ROS1: variants seen among roughly 807,000 people sequenced by gnomAD.
The protein encoded by ROS1 is proto-oncogene tyrosine-protein kinase ROS.
Under a neutral mutation model 273.5 loss-of-function variants are expected in ROS1, and 263 were observed. The observed-to-expected ratio is 0.96, with a 90% confidence interval of 0.87 to 1.06. The LOEUF is 1.06. Among genes scored for constraint, ROS1 ranks in the 50% least tolerant of loss-of-function variants. The probability of loss-of-function intolerance (pLI) is 0.00; values close to 1 mark genes in which losing one functional copy is unlikely to be tolerated. For missense variants in ROS1, 2,833 were observed against 2,751.1 expected (o/e 1.03, Z -0.67); for synonymous variants, 1,008 against 954.1 (o/e 1.06, Z -1.04).
chr6:117,329,268 T>C, intron 33 of ROS1, 61 bp downstream of exon 33: 1 of 790,128 alleles, frequency 1.3e-6, no homozygotes, highest in Non-Finnish European at 2.1e-6. Flanking sequence ...TTACTTTTGA[T>C]TACTTTATAA....
intron 16 of ROS1, among the ~76,000 whole-genome samples, chr6:117,385,299 A>C (rs1772472084): frequency 1.3e-5 from 2 of 152,222 alleles, no homozygotes; most frequent in Non-Finnish European, 2.9e-5. Context: ...TCACGCCTGT[A>C]ATCCCAGCAC....
At chr6:117,295,208 T>A (rs1202582660) in intron 43 of ROS1, among the ~76,000 whole-genome samples, 1 of 152,160 alleles carries the variant, frequency 6.6e-6, no homozygotes. Context: ...ATTCATGTTT[T>A]ACAAAGATGC....
chr6:117,384,147 T>A, intron 16 of ROS1, among the ~76,000 whole-genome samples: 1 of 152,316 alleles, frequency 6.6e-6, no homozygotes, highest in Middle Eastern at 3.4e-3. Flanking sequence ...TTCAAAACTA[T>A]TTTTAAACTA....
At chr6:117,390,844 G>T (rs1403511154) in intron 12 of ROS1, among the ~76,000 whole-genome samples, 4 of 152,040 alleles carry the variant, frequency 2.6e-5, no homozygotes, top group Non-Finnish European at 5.9e-5. Context: ...AACGAGGCAG[G>T]TTATTTTAAT....
At chr6:117,360,282 A>ACACC (rs2128649931) in intron 23 of ROS1, 60 bp downstream of exon 23, 2 of 1,170,986 alleles carry the variant, frequency 1.7e-6, no homozygotes, top group Non-Finnish European at 2.4e-6. Context: ...GGACACACAC[A>ACACC]CACACACACA....
At chr6:117,367,163 T>C (rs1780329358) in intron 18 of ROS1, among the ~76,000 whole-genome samples, 1 of 152,004 alleles carries the variant, frequency 6.6e-6, no homozygotes, top group Admixed American at 6.6e-5. Context: ...CCTATAGATG[T>C]GAAGTTAGCC....
intron 2 of ROS1, 37 bp downstream of exon 2, chr6:117,418,425 C>G (rs1364709001): frequency 1.0e-5 from 15 of 1,452,816 alleles, no homozygotes; most frequent in African/African-American, 1.4e-5. Flanking sequence ...TCAACACAAA[C>G]ATTGTAATAT....
At chr6:117,297,329 C>T (rs1774321332) in intron 43 of ROS1, among the ~76,000 whole-genome samples, 2 of 152,272 alleles carry the variant, frequency 1.3e-5, no homozygotes, top group African/African-American at 4.8e-5. Context: ...ATGACTTAGA[C>T]ACTGAAAGCA....
intron 15 of ROS1, among the ~76,000 whole-genome samples, chr6:117,386,650 C>T (rs975548784): frequency 2.0e-5 from 3 of 152,234 alleles, no homozygotes; most frequent in Non-Finnish European, 2.9e-5. Flanking sequence ...ATATCAAAGC[C>T]TTCCTGGTGG....
intron 37 of ROS1, 47 bp downstream of exon 37, chr6:117,319,821 T>C (rs1486419844): frequency 2.0e-6 from 3 of 1,531,096 alleles, no homozygotes; most frequent in Non-Finnish European, 2.7e-6. Flanking sequence ...TCAATCTTTG[T>C]AGATATGGTG....
intron 1 of ROS1, among the ~76,000 whole-genome samples, chr6:117,419,356 A>C (rs1221022841): frequency 1.3e-5 from 2 of 152,212 alleles, no homozygotes; most frequent in African/African-American, 4.8e-5. Flanking sequence ...CAATGGCTTA[A>C]TATTGTGTGG....
rs117780550 is a variant in ROS1, at chr6:117,314,012, T to C, written c.6118-2895A>G. Among the ~76,000 whole-genome samples, 231 of 152,216 alleles carry C rather than the reference T, an allele frequency of 1.5e-3. 3 individuals are homozygous for C. The East Asian group carries it at 0.041, about 27-fold the overall frequency. ...ATGTGAGAACCAATCTTTATAAGCATTAGGATCCTGGGTGACTCAAAACGA... is the reference window on the plus strand; with the variant it reads ...ATGTGAGAACCAATCTTTATAAGCACTAGGATCCTGGGTGACTCAAAACGA... On this transcript the variant is annotated intron_variant, in intron 39 of 43. Transcript: ENST00000368507.
rs2128644168 is a variant in ROS1 at position 117,356,812 on chromosome 6, G to A, written c.3943C>T (p.Gln1315Ter). The part of the protein sequence containing the change: ...HRILQPTATN[Q>*]QNKRNQCSCN... ...GAACATTGATTCCTTTTGTTTTGTTGGTTTGTAGCTGTGGGTTGCAGAATT... is the reference window on the plus strand; with the variant it reads ...GAACATTGATTCCTTTTGTTTTGTTAGTTTGTAGCTGTGGGTTGCAGAATT... Residue 1315 changes from glutamine to a stop codon, truncating the protein, a stop_gained, in exon 26 of 44, where the codon CAA (glutamine) becomes TAA (stop). Transcript: ENST00000368507. LOFTEE classifies it high-confidence loss of function. The A allele has an allele frequency of 6.2e-7, 1 of 1,614,076 alleles. No individual in the cohort carries two copies. Among genetic ancestry groups the A allele is most frequent in the Non-Finnish European group, 8.5e-7 (1 of 1,180,008 alleles).
intron 33 of ROS1, among the ~76,000 whole-genome samples, chr6:117,326,980 C>T (rs1003052057): frequency 8.5e-5 from 13 of 152,134 alleles, no homozygotes; most frequent in Non-Finnish European, 2.9e-5. Flanking sequence ...ATGGAAGGAG[C>T]ACAAGGGCTG....
At chr6:117,398,800 C>G (rs1327477686) in intron 7 of ROS1, among the ~76,000 whole-genome samples, 1 of 151,584 alleles carries the variant, frequency 6.6e-6, no homozygotes, top group Non-Finnish European at 1.5e-5. Context: ...TGGTGAAACC[C>G]CATCTCTACT....
At chr6:117,424,724 T>C (rs752593886) in intron 1 of ROS1, among the ~76,000 whole-genome samples, 1 of 152,158 alleles carries the variant, frequency 6.6e-6, no homozygotes, top group Non-Finnish European at 1.5e-5. Context: ...TTCTTTTTAA[T>C]CTGCCACATA....
intron 1 of ROS1, among the ~76,000 whole-genome samples, chr6:117,424,242 TA>T (rs1775973635): frequency 2.0e-5 from 3 of 151,996 alleles, no homozygotes; most frequent in South Asian, 2.1e-4. Context: ...TCTCAGGGTC[TA>T]GGGGAAAACT....
At chr6:117,321,456 A>T (rs2128563948) in intron 35 of ROS1, 62 bp from the exon 36 acceptor site, 1 of 1,444,016 alleles carries the variant, frequency 6.9e-7, no homozygotes, top group Non-Finnish European at 9.4e-7. Flanking sequence ...TCCTTTAGGA[A>T]ATGTTAACAG....
chr6:117,409,637 C>A lies in ROS1; in HGVS notation c.261G>T (p.Glu87Asp). ...NDTYATVCER[E>D]SCEVGCSSAE... The stretch of plus-strand genomic sequence containing the variant: ...CGCTGCTACAGCCAACCTCACACGA[C>A]TCCCGCTGTGGAAGACAGGGAGCAT... Residue 87 changes from glutamate to aspartate, a missense_variant, in exon 5 of 44, where the codon GAG becomes GAT. Transcript: ENST00000368507. 1 of 1,613,822 alleles carries A rather than the reference C, an allele frequency of 6.2e-7. No individual in the cohort carries two copies. Among genetic ancestry groups the A allele is most frequent in the Non-Finnish European group, 8.5e-7 (1 of 1,179,764 alleles).
Sources: allele counts gnomAD v4.1 joint callset (sites outside exome capture counted in the v4.1 genomes callset), GRCh38; gene constraint gnomAD v4.1.1; transcripts MANE v1.5; gene names NCBI Gene and HGNC (gene_info 2026-07-23, HGNC 2026-07-21).